TMEM177: variants seen among roughly 807,000 people sequenced by gnomAD.
The protein encoded by TMEM177 is transmembrane protein 177.
In TMEM177, 4 loss-of-function variants were observed where a neutral mutation model predicts 14.2. The observed-to-expected ratio is 0.28, with a 90% confidence interval of 0.14 to 0.64. The LOEUF (loss-of-function observed/expected upper bound fraction) is 0.64, where lower values mean the gene tolerates loss of function less well. Ranked by LOEUF, TMEM177 falls within the 30% of genes least tolerant of loss-of-function variation. The probability of loss-of-function intolerance (pLI) is 0.82; values close to 1 mark genes in which losing one functional copy is unlikely to be tolerated. For missense variants in TMEM177, 344 were observed against 405.2 expected (o/e 0.85, Z 1.30); for synonymous variants, 179 against 174.5 (o/e 1.03, Z -0.20).
chr2:119,685,923 G>A (rs1481871183), downstream of TMEM177: 2 of 557,198 alleles, frequency 3.6e-6, no homozygotes, highest in Non-Finnish European at 6.4e-6. Flanking sequence ...CAGAACTTCC[G>A]AGGAGACCCC....
downstream of TMEM177, among the ~76,000 whole-genome samples, chr2:119,688,397 C>G (rs956082334): frequency 6.6e-6 from 1 of 152,174 alleles, no homozygotes; most frequent in Non-Finnish European, 1.5e-5. Context: ...CCTTGGAAGG[C>G]AATTCCATCT....
rs1297080888 is a variant in TMEM177, at chr2:119,681,014, C to T, written c.161C>T (p.Pro54Leu). The T allele has an allele frequency of 1.2e-6, 2 of 1,614,140 alleles. No homozygotes were observed. Among genetic ancestry groups the T allele is most frequent in the Non-Finnish European group, 1.7e-6 (2 of 1,180,056 alleles). ...TACCAGTACTGGCCTCAGGGCCAGC[C>T]AGCTCCGCTCCCTCCACAGCTGCAG... ...WLYQYWPQGQPAPLPPQLQSL... is the reference protein window; with the variant it reads ...WLYQYWPQGQLAPLPPQLQSL... The change falls in exon 2 of 2, where the codon CCA becomes CTA. Residue 54 changes from proline to leucine, a missense_variant. Coordinates refer to ENST00000272521, the MANE Select transcript of TMEM177 (RefSeq NM_030577.3).
At chr2:119,720,781 G>A in the TMEM177 span, among the ~76,000 whole-genome samples, 1 of 151,804 alleles carries the variant, frequency 6.6e-6, no homozygotes, top group African/African-American at 2.4e-5. Context: ...ATTTTTTGTT[G>A]GGTTTTCTGT....
At chr2:119,707,497 G>A in the TMEM177 span, among the ~76,000 whole-genome samples, 2 of 152,174 alleles carry the variant, frequency 1.3e-5, no homozygotes, top group African/African-American at 4.8e-5. Flanking sequence ...GTCAGCAGGC[G>A]AAGCTGACAC....
downstream of TMEM177, among the ~76,000 whole-genome samples, chr2:119,683,829 C>G (rs911076798): frequency 2.0e-5 from 3 of 152,202 alleles, no homozygotes. Flanking sequence ...CAGTCCTCCA[C>G]AGCCCGGCTC....
the TMEM177 span, among the ~76,000 whole-genome samples, chr2:119,711,896 T>C: frequency 1.5e-4 from 23 of 152,180 alleles, no homozygotes; most frequent in East Asian, 3.9e-3. Context: ...ACAAATACCC[T>C]GTTAGCCTGG....
At chr2:119,683,867 G>C (rs976665783), downstream of TMEM177, among the ~76,000 whole-genome samples, 2 of 152,100 alleles carry the variant, frequency 1.3e-5, no homozygotes, top group Admixed American at 1.3e-4. Flanking sequence ...CCCACTGAGA[G>C]CCCCCCTGGC....
At chr2:119,688,254 A>G (rs941499363), downstream of TMEM177, among the ~76,000 whole-genome samples, 2 of 152,240 alleles carry the variant, frequency 1.3e-5, no homozygotes, top group African/African-American at 4.8e-5. Flanking sequence ...CTAGGAGGAA[A>G]TTCACAAAAT....
rs769597114 is a variant in TMEM177 at position 119,681,652 on chromosome 2, GAC to G, written c.800_801del (p.Asp267GlyfsTer63). On this transcript the variant is annotated frameshift_variant, in exon 2 of 2. Transcript: ENST00000272521. LOFTEE classifies it high-confidence loss of function. ...GGCCCTGCGCAGTCTCTTGGGCAAAGACGGGGAGAAGCTGTATACACCCAGCG... is the reference window on the plus strand; with the variant it reads ...GGCCCTGCGCAGTCTCTTGGGCAAAGGGGGAGAAGCTGTATACACCCAGCG... ...NLALRSLLGKDGEKLYTPSGN... is the reference protein window; with the variant it reads ...NLALRSLLGKXGEKLYTPSGN... The G allele has an allele frequency of 6.2e-5, 100 of 1,614,138 alleles. 1 individual carries two copies. The highest frequency in any genetic ancestry group is 1.3e-4 in the South Asian group (12 of 91,090).
chr2:119,681,796 C>T lies in TMEM177; in HGVS notation c.*7C>T, dbSNP rs764106764. 14 of 1,607,500 alleles carry T rather than the reference C, an allele frequency of 8.7e-6. No homozygotes were observed. The African/African-American group carries it at 9.3e-5, about 11-fold the overall frequency. ...CAATCCGGGCCGCTCCTGATGGGCT[C>T]ATCACAAGGACACTTCCAGCTTGTG... On this transcript the variant is annotated 3_prime_UTR_variant, in exon 2 of 2. Coordinates refer to ENST00000272521, the MANE Select transcript of TMEM177 (RefSeq NM_030577.3).
chr2:119,718,594 AC>A, the TMEM177 span, among the ~76,000 whole-genome samples: 1 of 152,310 alleles, frequency 6.6e-6, no homozygotes, highest in East Asian at 1.9e-4. Context: ...TCTCACTCTT[AC>A]TTCATGTGGC....
In TMEM177 at chr2:119,681,826, C is replaced by T; in HGVS notation, c.*37C>T. On this transcript the variant is annotated 3_prime_UTR_variant, in exon 2 of 2. Coordinates refer to ENST00000272521, the MANE Select transcript of TMEM177 (RefSeq NM_030577.3). ...CAAGGACACTTCCAGCTTGTGCAGA[C>T]ACCACCCTGCCATTGAGTCTGGAGG... 1.3e-6 allele frequency: 2 copies of T among 1,576,146 alleles called. No individual in the cohort carries two copies. The highest frequency in any genetic ancestry group is 3.4e-5 in the Admixed American group (2 of 58,766).
At chr2:119,694,671 C>T in the TMEM177 span, among the ~76,000 whole-genome samples, 61 of 152,340 alleles carry the variant, frequency 4.0e-4, no homozygotes, top group African/African-American at 1.3e-3. Flanking sequence ...CACTTCCCCG[C>T]GAAAGCATTT....
chr2:119,718,384 T>C, the TMEM177 span, among the ~76,000 whole-genome samples: 6 of 152,166 alleles, frequency 3.9e-5, no homozygotes, highest in Admixed American at 2.0e-4. Context: ...AAATGGGGAC[T>C]GGGGGTTTGT....
downstream of TMEM177, among the ~76,000 whole-genome samples, chr2:119,684,803 T>C (rs971439608): frequency 1.1e-4 from 17 of 152,232 alleles, no homozygotes; most frequent in African/African-American, 4.1e-4. Flanking sequence ...GGTCACTTCC[T>C]GTAGGGCACA....
chr2:119,708,040 G>T, the TMEM177 span, among the ~76,000 whole-genome samples: 15 of 152,328 alleles, frequency 9.8e-5, no homozygotes, highest in African/African-American at 2.9e-4. Context: ...TCCAGCGACA[G>T]CACTTTCCTG....
the TMEM177 span, among the ~76,000 whole-genome samples, chr2:119,714,431 C>T: frequency 6.6e-6 from 1 of 152,186 alleles, no homozygotes. Flanking sequence ...GGAAAATGCT[C>T]AGTGTTTCTC....
At chr2:119,707,072 C>T in the TMEM177 span, among the ~76,000 whole-genome samples, 2 of 151,944 alleles carry the variant, frequency 1.3e-5, no homozygotes, top group East Asian at 1.9e-4. Context: ...CCACAACGCC[C>T]AGCTAATTTT....
At chr2:119,692,625 A>G in the TMEM177 span, among the ~76,000 whole-genome samples, 4 of 152,364 alleles carry the variant, frequency 2.6e-5, no homozygotes, top group African/African-American at 9.6e-5. Context: ...GCTCCCACAC[A>G]GTGCCTCAGG....
Sources: gnomAD v4.1 joint callset for allele counts (sites outside exome capture counted in the v4.1 genomes callset) on GRCh38, gnomAD v4.1.1 for gene constraint, MANE v1.5 for transcripts, NCBI Gene and HGNC (gene_info 2026-07-23, HGNC 2026-07-21) for gene names.